UVRAG: variants seen among roughly 807,000 people sequenced by gnomAD.
The protein encoded by UVRAG is UV radiation resistance-associated gene protein.
A neutral mutation model predicts 78.0 loss-of-function variants in UVRAG; 19 were observed. The ratio of observed to expected loss-of-function variants is 0.24; its 90% CI spans 0.17 to 0.36. UVRAG has a LOEUF of 0.36. Ranked by LOEUF, UVRAG falls within the 10% of genes least tolerant of loss-of-function variation. The pLI, the probability that UVRAG is intolerant of heterozygous loss-of-function variation, is 1.00. For synonymous variants in UVRAG, 323 were observed against 324.6 expected (o/e 1.00, Z 0.05); for missense variants, 740 against 853.8 (o/e 0.87, Z 1.66).
chr11:75,819,613 T>C (rs1211357744), intron 1 of UVRAG, among the ~76,000 whole-genome samples: 1 of 152,008 alleles, frequency 6.6e-6, no homozygotes, highest in Non-Finnish European at 1.5e-5. Flanking sequence ...CCCAAAGTGC[T>C]GGGACTACAG....
At chr11:75,862,199 A>T (rs186439635) in intron 3 of UVRAG, among the ~76,000 whole-genome samples, 19 of 152,334 alleles carry the variant, frequency 1.2e-4, no homozygotes, top group Non-Finnish European at 2.6e-4. Flanking sequence ...TTTCCTATAA[A>T]TAAGTTTCTG....
intron 13 of UVRAG, among the ~76,000 whole-genome samples, chr11:76,092,516 T>A (rs1951718581): frequency 1.3e-5 from 2 of 152,348 alleles, no homozygotes; most frequent in South Asian, 4.1e-4. Context: ...CCTGACTTTT[T>A]AATGATCGCC....
At chr11:75,902,439 T>C (rs556012697) in intron 5 of UVRAG, among the ~76,000 whole-genome samples, 1 of 152,278 alleles carries the variant, frequency 6.6e-6, no homozygotes, top group South Asian at 2.1e-4. Flanking sequence ...GAGGGGGAGC[T>C]CAGGTGGTGA....
chr11:76,124,812 G>T (rs1362902241), intron 14 of UVRAG, among the ~76,000 whole-genome samples: 1 of 152,156 alleles, frequency 6.6e-6, no homozygotes, highest in African/African-American at 2.4e-5. Context: ...TTAAATAAAA[G>T]TATTAGAAGA....
At chr11:76,058,480 G>A (rs1951022317) in intron 12 of UVRAG, among the ~76,000 whole-genome samples, 1 of 145,050 alleles carries the variant, frequency 6.9e-6, no homozygotes, top group Non-Finnish European at 1.5e-5. Context: ...GCTGCAGTGA[G>A]TCATGATCAT....
At chr11:75,983,222 C>A (rs1002092041) in intron 7 of UVRAG, among the ~76,000 whole-genome samples, 165 bp from the exon 8 acceptor site, 2 of 152,070 alleles carry the variant, frequency 1.3e-5, no homozygotes, top group African/African-American at 4.8e-5. Context: ...ATATGATTTT[C>A]ATTAAAAGGA....
rs1025044051 is a variant in UVRAG at position 75,905,242 on chromosome 11, C to G, written c.508-6712C>G. Among the ~76,000 whole-genome samples the G allele has an allele frequency of 1.3e-4, 20 of 152,058 alleles. 3 individuals carry two copies. Among genetic ancestry groups the G allele is most frequent in the Admixed American group, 1.2e-3 (18 of 15,264 alleles). On this transcript the variant is annotated intron_variant, in intron 5 of 14. Coordinates refer to ENST00000356136, the MANE Select transcript of UVRAG (RefSeq NM_003369.4). ...CCTCTGTCCTTTTTCTCCTCATCTCCTCTTAAAATGTATTGATTATTTCTT... is the reference window on the plus strand; with the variant it reads ...CCTCTGTCCTTTTTCTCCTCATCTCGTCTTAAAATGTATTGATTATTTCTT...
intron 1 of UVRAG, among the ~76,000 whole-genome samples, chr11:75,833,659 A>G (rs1945713592): frequency 6.6e-6 from 1 of 152,208 alleles, no homozygotes; most frequent in South Asian, 2.1e-4. Flanking sequence ...GCCTCGGAAC[A>G]GAGATTTACC....
intron 13 of UVRAG, among the ~76,000 whole-genome samples, chr11:76,091,889 G>A (rs1951705128): frequency 6.6e-6 from 1 of 151,766 alleles, no homozygotes; most frequent in South Asian, 2.1e-4. Flanking sequence ...CAACGTGCAG[G>A]TTTGTTACAT....
chr11:76,004,019 G>T lies in UVRAG; in HGVS notation c.841G>T (p.Ala281Ser), dbSNP rs1319928153. ...ALQDKGSAFS[A>S]EHLKLQLQKE... is the part of the protein sequence containing the mutation. ...TTTCTTTCTAGGAAGTGCATTTTCA[G>T]CTGAGCACCTCAAACTTCAACTCCA... The change falls in exon 9 of 15, where the codon GCT (alanine) becomes TCT (serine). Residue 281 changes from alanine (A) to serine (S), a missense_variant. Physicochemically the swap from Ala to Ser is moderately conservative, Grantham distance 99. Transcript: ENST00000356136. The T allele has an allele frequency of 6.2e-7, 1 of 1,613,780 alleles. No homozygotes were observed. The highest frequency in any genetic ancestry group is 2.2e-5 in the East Asian group (1 of 44,866).
chr11:75,994,590 A>G (rs1189305748), intron 8 of UVRAG, among the ~76,000 whole-genome samples: 1 of 152,200 alleles, frequency 6.6e-6, no homozygotes, highest in African/African-American at 2.4e-5. Context: ...TAGTTTTGGT[A>G]TATTATTAAT....
chr11:75,983,405 C>A lies in UVRAG; in HGVS notation c.718C>A (p.Leu240Met). Reference sequence around the variant, plus strand: ...TATTTAGAAAAAAAAAAGTGAATGCCTGCAGTTAAAAATTTTGGTGCTTCA... The same window carrying A: ...TATTTAGAAAAAAAAAAGTGAATGCATGCAGTTAAAAATTTTGGTGCTTCA... ...SNELKKKSEC[L>M]QLKILVLQNE... is the part of the protein sequence containing the mutation. Residue 240 changes from leucine to methionine, a missense_variant, in exon 8 of 15, where the codon CTG (leucine) becomes ATG (methionine). Coordinates refer to ENST00000356136, the MANE Select transcript of UVRAG (RefSeq NM_003369.4). 6.3e-7 allele frequency: 1 copy of A among 1,597,848 alleles called. No individual in the cohort carries two copies. Among genetic ancestry groups the A allele is most frequent in the South Asian group, 1.2e-5 (1 of 86,618 alleles).
intron 7 of UVRAG, among the ~76,000 whole-genome samples, chr11:75,967,055 A>C (rs1273084716): frequency 6.6e-6 from 1 of 152,194 alleles, no homozygotes. Flanking sequence ...GAAAAGCCAC[A>C]GAAAAGGGGA....
At chr11:76,087,816 C>CCT in intron 13 of UVRAG, among the ~76,000 whole-genome samples, 1 of 152,176 alleles carries the variant, frequency 6.6e-6, no homozygotes, top group Non-Finnish European at 1.5e-5. Context: ...TCAGGACTAT[C>CCT]CTCTGAACCC....
At chr11:76,073,524 TG>T (rs1300024356) in intron 13 of UVRAG, among the ~76,000 whole-genome samples, 2 of 152,174 alleles carry the variant, frequency 1.3e-5, no homozygotes, top group Non-Finnish European at 2.9e-5. Flanking sequence ...AGGATTTTTT[TG>T]ATAAGATTGG....
chr11:76,045,385 T>G (rs574009867), intron 12 of UVRAG, among the ~76,000 whole-genome samples: 1 of 152,336 alleles, frequency 6.6e-6, no homozygotes, highest in African/African-American at 2.4e-5. Context: ...GTGTGCTCTT[T>G]AGTGCCTTGC....
chr11:76,114,068 G>C (rs1216088733), intron 13 of UVRAG, among the ~76,000 whole-genome samples: 1 of 151,916 alleles, frequency 6.6e-6, no homozygotes, highest in African/African-American at 2.4e-5. Context: ...TGTTATTTCA[G>C]TAAGTTTTTT....
chr11:76,063,841 A>G (rs912103438), intron 12 of UVRAG, among the ~76,000 whole-genome samples: 7 of 152,158 alleles, frequency 4.6e-5, no homozygotes, highest in African/African-American at 1.7e-4. Flanking sequence ...TGTTCTGACG[A>G]TAATAGGTTT....
intron 1 of UVRAG, among the ~76,000 whole-genome samples, chr11:75,823,397 A>G (rs1475040846): frequency 6.6e-6 from 1 of 152,182 alleles, no homozygotes; most frequent in Non-Finnish European, 1.5e-5. Context: ...TGGGAGATTA[A>G]ATCATGGCTC....
Sources: allele counts gnomAD v4.1 joint callset (sites outside exome capture counted in the v4.1 genomes callset), GRCh38; gene constraint gnomAD v4.1.1; transcripts MANE v1.5; gene names NCBI Gene and HGNC (gene_info 2026-07-23, HGNC 2026-07-21).